PDS5B: variants seen among roughly 807,000 people sequenced by gnomAD.
PDS5B encodes sister chromatid cohesion protein PDS5 homolog B.
PDS5B carries 51 observed loss-of-function variants against 184.1 expected under a neutral mutation model. The observed-to-expected ratio is 0.28, with a 90% CI of 0.22 to 0.35. The LOEUF is 0.35. PDS5B is among the 10% of genes least tolerant of loss of function. The probability of loss-of-function intolerance (pLI) is 1.00; values close to 1 mark genes in which losing one functional copy is unlikely to be tolerated. For synonymous variants in PDS5B, 566 were observed against 569.2 expected, an observed-to-expected ratio of 0.99 and a Z score of 0.08; for missense variants, 1,180 against 1,723.3, an observed-to-expected ratio of 0.68 and a Z score of 5.58.
intron 6 of PDS5B, among the ~76,000 whole-genome samples, 158 bp downstream of exon 6, chr13:32,659,438 T>C (rs904555649): frequency 6.6e-6 from 1 of 152,210 alleles, no homozygotes; most frequent in African/African-American, 2.4e-5. Flanking sequence ...TAATGTGTAA[T>C]AAAAAGATAC....
At chr13:32,618,332 C>T (rs745490852) in intron 1 of PDS5B, among the ~76,000 whole-genome samples, 1 of 152,192 alleles carries the variant, frequency 6.6e-6, no homozygotes, top group Non-Finnish European at 1.5e-5. Flanking sequence ...TACCAGTGGT[C>T]AACCATGGTC....
At chr13:32,761,453 A>T (rs9285094) in intron 30 of PDS5B, among the ~76,000 whole-genome samples, 58,923 of 151,980 alleles carry the variant, frequency 0.39, 11,938 homozygotes, top group Non-Finnish European at 0.45. Flanking sequence ...AGGTCGTTTT[A>T]CAGCCCACAT....
intron 24 of PDS5B, among the ~76,000 whole-genome samples, chr13:32,750,456 A>G (rs1953931846): frequency 1.3e-5 from 2 of 152,132 alleles, no homozygotes; most frequent in African/African-American, 4.8e-5. Context: ...GGGTGAGTTA[A>G]TGTTAACTTT....
intron 19 of PDS5B, among the ~76,000 whole-genome samples, chr13:32,726,115 T>A (rs1473830902): frequency 6.7e-6 from 1 of 149,820 alleles, no homozygotes; most frequent in Non-Finnish European, 1.5e-5. Context: ...TCCTCAATCC[T>A]CTAACCTATT....
chr13:32,674,086 T>G (rs1441990957), intron 8 of PDS5B, among the ~76,000 whole-genome samples: 2 of 152,154 alleles, frequency 1.3e-5, no homozygotes, highest in Admixed American at 1.3e-4. Flanking sequence ...ATGTTGACAT[T>G]ACAGGCATAA....
rs1169104992 is a variant in PDS5B at position 32,737,016 on chromosome 13, AATCTT to A, written c.2406+1688_2406+1692del. ...TTTGCTTGTCATTAAATCCTTGAAA[AATCTT>A]AATTATGTGAAGTTTGTATCTGTTA... is the stretch of plus-strand genomic sequence containing the variant. On this transcript the variant is annotated intron_variant, in intron 21 of 34. Transcript: ENST00000315596. Among the ~76,000 whole-genome samples, 3 of 152,114 alleles carry A rather than the reference AATCTT, an allele frequency of 2.0e-5. No individual in the cohort carries two copies. The South Asian group carries it at 6.2e-4, about 31-fold the overall frequency.
chr13:32,740,944 G>T, intron 21 of PDS5B, 136 bp from the exon 22 acceptor site: 3 of 571,946 alleles, frequency 5.2e-6, no homozygotes, highest in Admixed American at 3.2e-5. Flanking sequence ...AGGGTTAGAT[G>T]AAGTACTTTA....
At chr13:32,613,964 G>C (rs1046963622) in intron 1 of PDS5B, among the ~76,000 whole-genome samples, 2 of 152,164 alleles carry the variant, frequency 1.3e-5, no homozygotes, top group African/African-American at 4.8e-5. Flanking sequence ...TTGATAACCT[G>C]TTCTGTCACC....
At chr13:32,605,893 T>A (rs1354560443) in intron 1 of PDS5B, among the ~76,000 whole-genome samples, 1 of 139,562 alleles carries the variant, frequency 7.2e-6, no homozygotes, top group African/African-American at 2.6e-5. Flanking sequence ...TTGCAACCCC[T>A]GCTTTTTTTT....
chr13:32,625,083 T>G (rs2058350651), intron 1 of PDS5B, among the ~76,000 whole-genome samples: 1 of 152,136 alleles, frequency 6.6e-6, no homozygotes, highest in African/African-American at 2.4e-5. Context: ...GATGTTCAGT[T>G]TTTAAGCTTT....
At chr13:32,703,033 T>C (rs888352489) in intron 17 of PDS5B, among the ~76,000 whole-genome samples, 2 of 152,052 alleles carry the variant, frequency 1.3e-5, no homozygotes, top group African/African-American at 4.8e-5. Flanking sequence ...ACCAGAAATA[T>C]TAGGATTCAA....
intron 19 of PDS5B, among the ~76,000 whole-genome samples, chr13:32,716,578 G>T (rs1566364575): frequency 6.6e-6 from 1 of 150,386 alleles, no homozygotes. Context: ...GTGGGGGTCA[G>T]CCCCCGCCAG....
At chr13:32,763,365 TC>T (rs1954475285) in intron 30 of PDS5B, 1 of 152,640 alleles carries the variant, frequency 6.6e-6, no homozygotes, top group South Asian at 2.1e-4. Flanking sequence ...CAATTAGGAG[TC>T]AGCGAATCAT....
intron 19 of PDS5B, among the ~76,000 whole-genome samples, chr13:32,717,247 AAG>A (rs1491575345): frequency 1.3e-4 from 20 of 152,094 alleles, no homozygotes; most frequent in African/African-American, 4.6e-4. Context: ...GTGGAATAGA[AAG>A]GGGGGAAAGG....
rs757091723 is a variant in PDS5B, at chr13:32,749,439, A to G, written c.2736+3339A>G. Among the ~76,000 whole-genome samples the G allele has an allele frequency of 3.9e-5, 6 of 152,110 alleles. No homozygotes were observed. The East Asian group carries it at 1.2e-3, about 29-fold the overall frequency. On this transcript the variant is annotated intron_variant, in intron 24 of 34. Coordinates refer to ENST00000315596, the MANE Select transcript of PDS5B (RefSeq NM_015032.4). Reference sequence around the variant, plus strand: ...TGTATCTGGGAGGCTGCTGTTATGTATTTGAACAGAAAGTACATTTGGAGA... The same window carrying G: ...TGTATCTGGGAGGCTGCTGTTATGTGTTTGAACAGAAAGTACATTTGGAGA...
chr13:32,643,116 A>C (rs774757984), intron 1 of PDS5B, among the ~76,000 whole-genome samples: 3 of 152,120 alleles, frequency 2.0e-5, no homozygotes, highest in Non-Finnish European at 4.4e-5. Context: ...AATCATGAAC[A>C]GCTTTTGTCT....
At chr13:32,686,521 C>T (rs1309180210) in intron 11 of PDS5B, among the ~76,000 whole-genome samples, 6 of 152,126 alleles carry the variant, frequency 3.9e-5, no homozygotes, top group African/African-American at 1.2e-4. Flanking sequence ...CAGTGGCTCA[C>T]GCCTGTAATC....
At chr13:32,648,361 G>A (rs964907476) in intron 1 of PDS5B, among the ~76,000 whole-genome samples, 8 of 152,170 alleles carry the variant, frequency 5.3e-5, no homozygotes, top group Non-Finnish European at 1.2e-4. Flanking sequence ...TGCTTTCAGA[G>A]TATAAGTAGC....
At chr13:32,726,123 A>G (rs1349978668) in intron 19 of PDS5B, among the ~76,000 whole-genome samples, 2 of 148,200 alleles carry the variant, frequency 1.3e-5, no homozygotes, top group Non-Finnish European at 3.0e-5. Context: ...CCTCTAACCT[A>G]TTCCTTTCTT....
Sources: allele counts gnomAD v4.1 joint callset (sites outside exome capture counted in the v4.1 genomes callset), GRCh38; gene constraint gnomAD v4.1.1; transcripts MANE v1.5; gene names NCBI Gene and HGNC (gene_info 2026-07-23, HGNC 2026-07-21).